KANK1: variants seen among roughly 807,000 people sequenced by gnomAD.
KANK1 encodes the protein KN motif and ankyrin repeat domains 1.
A neutral mutation model predicts 106.2 loss-of-function variants in KANK1; 109 were observed. The ratio of observed to expected loss-of-function variants is 1.03; its 90% confidence interval spans 0.88 to 1.20. The LOEUF (loss-of-function observed/expected upper bound fraction) is 1.20, where lower values mean the gene tolerates loss of function less well. KANK1 is among the 50% of genes most tolerant of loss of function. The probability of loss-of-function intolerance (pLI) is 0.00; values close to 1 mark genes in which losing one functional copy is unlikely to be tolerated. For missense variants in KANK1, 2,399 were observed against 1,710.7 expected, an observed-to-expected ratio of 1.40 and a Z score of -7.10; for synonymous variants, 873 against 652.2, an observed-to-expected ratio of 1.34 and a Z score of -5.16.
chr9:579,029 A>C (rs1821331396), intron 1 of KANK1, among the ~76,000 whole-genome samples: 1 of 152,228 alleles, frequency 6.6e-6, no homozygotes, highest in Non-Finnish European at 1.5e-5. Context: ...GAACACATAG[A>C]CATAAAAAAT....
intron 3 of KANK1, among the ~76,000 whole-genome samples, chr9:724,500 C>A (rs78246634): frequency 0.043 from 6,512 of 152,156 alleles, 476 homozygotes; most frequent in African/African-American, 0.15. Context: ...CATTTCTCTA[C>A]AAAGAGTGTT....
chr9:662,704 C>T (rs1483976590), intron 1 of KANK1, among the ~76,000 whole-genome samples: 1 of 148,146 alleles, frequency 6.8e-6, no homozygotes, highest in African/African-American at 2.6e-5. Flanking sequence ...CTCTGTCACC[C>T]AGGCTGGAGT....
chr9:654,210 C>G (rs573731370), intron 1 of KANK1, among the ~76,000 whole-genome samples: 7 of 152,166 alleles, frequency 4.6e-5, no homozygotes, highest in African/African-American at 1.7e-4. Flanking sequence ...GTTGTGGGGC[C>G]CAAGCATTTC....
chr9:607,456 G>T (rs1263513866), intron 1 of KANK1, among the ~76,000 whole-genome samples: 1 of 133,356 alleles, frequency 7.5e-6, no homozygotes, highest in Non-Finnish European at 1.5e-5. Flanking sequence ...TTGCACTCCA[G>T]CCTGGGCGTT....
intron 1 of KANK1, among the ~76,000 whole-genome samples, chr9:578,057 C>T (rs1464164246): frequency 6.6e-6 from 1 of 152,080 alleles, no homozygotes; most frequent in African/African-American, 2.4e-5. Context: ...TCACTTCCTC[C>T]ACAAGAACTG....
intron 1 of KANK1, among the ~76,000 whole-genome samples, chr9:611,214 C>A (rs1254573184): frequency 1.3e-5 from 2 of 152,244 alleles, no homozygotes; most frequent in Admixed American, 1.3e-4. Context: ...TGGGTCCAGC[C>A]CACAGCTTTC....
chr9:665,193 C>T (rs777554571), intron 1 of KANK1, among the ~76,000 whole-genome samples: 2 of 152,072 alleles, frequency 1.3e-5, no homozygotes, highest in East Asian at 1.9e-4. Context: ...TGTCCATTTT[C>T]GTTTTTGTTG....
chr9:686,546 G>A lies in KANK1; in HGVS notation c.37+9537G>A, dbSNP rs143335344. Reference sequence around the variant, plus strand: ...CTGGTCGGGGAGGGAGGGATGGTTTGCATGTCAAACCATTTCAACAATGCA... The same window carrying A: ...CTGGTCGGGGAGGGAGGGATGGTTTACATGTCAAACCATTTCAACAATGCA... On this transcript the variant is annotated intron_variant, in intron 2 of 11. Coordinates refer to ENST00000382297, the MANE Select transcript of KANK1 (RefSeq NM_015158.5). 1.6e-3 allele frequency among the ~76,000 whole-genome samples: 238 copies of A among 152,250 alleles called. 1 individual carries two copies. Among genetic ancestry groups the A allele is most frequent in the Non-Finnish European group, 2.7e-3 (183 of 68,016 alleles).
chr9:604,192 T>A (rs191637886), intron 1 of KANK1, among the ~76,000 whole-genome samples: 20 of 151,798 alleles, frequency 1.3e-4, no homozygotes, highest in African/African-American at 4.6e-4. Flanking sequence ...TTTGTCTCTT[T>A]CCTGGAGACG....
intron 3 of KANK1, chr9:477,786 G>A (rs952107628): frequency 3.9e-5 from 6 of 152,252 alleles, no homozygotes; most frequent in African/African-American, 1.4e-4. Flanking sequence ...TGGGCCTCTT[G>A]GCTTGGAGGA....
Position 676,954 on chromosome 9 carries a change from T to C in KANK1, c.-19T>C, listed in dbSNP as rs2296055. 413,819 of 1,608,986 alleles carry C rather than the reference T, an allele frequency of 0.26. 64,360 individuals are homozygous for C. Among genetic ancestry groups the C allele is most frequent in the African/African-American group, 0.66 (49,096 of 74,726 alleles). ...GACTCCTCACTCCTTTCTGGATCTC[T>C]CATTGGACTCAAGCCAGCATGGCTC... On this transcript the variant is annotated 5_prime_UTR_variant, in exon 2 of 12. Transcript: ENST00000382297.
At chr9:694,535 T>G (rs1166257045) in intron 2 of KANK1, among the ~76,000 whole-genome samples, 1 of 152,186 alleles carries the variant, frequency 6.6e-6, no homozygotes, top group African/African-American at 2.4e-5. Flanking sequence ...TTGGCTGTTT[T>G]GAGACAGATT....
At chr9:690,133 C>CAAAAAAAAAA (rs57837964) in intron 2 of KANK1, among the ~76,000 whole-genome samples, 83 of 61,556 alleles carry the variant, frequency 1.3e-3, no homozygotes, top group South Asian at 1.6e-3. Flanking sequence ...TCTAAAAATA[C>CAAAAAAAAAA]AAAAAAAAAA....
In KANK1 at chr9:712,531, T is replaced by G; in HGVS notation, c.1765T>G (p.Cys589Gly). ...DRCAGRSVEMCDKSVSVEVSV... is the reference protein window; with the variant it reads ...DRCAGRSVEMGDKSVSVEVSV... ...ATGTGCTGGGAGGTCTGTGGAAATG[T>G]GTGACAAGAGTGTGAGTGTGGAAGT... Residue 589 changes from cysteine (C) to glycine (G), a missense_variant, in exon 3 of 12, where the codon TGT (cysteine) becomes GGT (glycine). Transcript: ENST00000382297. 1 of 1,614,090 alleles carries G rather than the reference T, an allele frequency of 6.2e-7. No homozygotes were observed. The highest frequency in any genetic ancestry group is 8.5e-7 in the Non-Finnish European group (1 of 1,180,018).
chr9:686,955 T>C (rs944043352), intron 2 of KANK1: 13 of 984,620 alleles, frequency 1.3e-5, no homozygotes, highest in Non-Finnish European at 1.6e-5. Context: ...GCTTTTCCTC[T>C]GGGCTCTTAT....
chr9:712,706 C>G lies in KANK1; in HGVS notation c.1940C>G (p.Ser647Cys), dbSNP rs1187753727. ...VTVCSPKECASRGVNTEAVSQ... is the reference protein window; with the variant it reads ...VTVCSPKECACRGVNTEAVSQ... ...GTCTGCTCTCCAAAGGAGTGCGCCT[C>G]CCGGGGCGTGAACACTGAGGCTGTT... Residue 647 changes from serine to cysteine, a missense_variant, in exon 3 of 12, where the codon TCC becomes TGC. Coordinates refer to ENST00000382297, the MANE Select transcript of KANK1 (RefSeq NM_015158.5). 1.2e-6 allele frequency: 2 copies of G among 1,613,898 alleles called. No homozygotes were observed. The highest frequency in any genetic ancestry group is 1.7e-6 in the Non-Finnish European group (2 of 1,179,976).
intron 7 of KANK1, 68 bp downstream of exon 7, chr9:734,903 C>T (rs1217842121): frequency 1.8e-6 from 2 of 1,111,736 alleles, no homozygotes; most frequent in African/African-American, 3.1e-5. Flanking sequence ...TTGTCAAGGC[C>T]AGCTGTAGGC....
intron 1 of KANK1, among the ~76,000 whole-genome samples, chr9:529,549 G>A (rs923562655): frequency 3.3e-4 from 50 of 152,148 alleles, no homozygotes; most frequent in African/African-American, 1.1e-3. Context: ...CTCTCCCTGT[G>A]AAATCACAGA....
intron 2 of KANK1, among the ~76,000 whole-genome samples, chr9:685,233 A>G (rs1818320112): frequency 6.6e-6 from 1 of 152,210 alleles, no homozygotes; most frequent in Non-Finnish European, 1.5e-5. Context: ...TACATATAGC[A>G]TTAGTCATCT....
Sources: gnomAD v4.1 joint callset for allele counts (sites outside exome capture counted in the v4.1 genomes callset) on GRCh38, gnomAD v4.1.1 for gene constraint, MANE v1.5 for transcripts, NCBI Gene and HGNC (gene_info 2026-07-23, HGNC 2026-07-21) for gene names.